Variants in ACOXL observed in about 807,000 individuals in gnomAD.
ACOXL encodes acyl-CoA oxidase like.
Under a neutral mutation model 71.9 loss-of-function variants are expected in ACOXL, and 70 were observed. The observed-to-expected ratio is 0.97, with a 90% CI of 0.80 to 1.19. ACOXL has a LOEUF of 1.19. Among genes scored for constraint, ACOXL ranks in the 50% most tolerant of loss-of-function variants. The pLI is 0.00. For missense variants in ACOXL, 703 were observed against 736.3 expected (o/e 0.95, Z 0.52); for synonymous variants, 253 against 281.6 (o/e 0.90, Z 1.02).
At chr2:111,064,877 G>T (rs975242653) in intron 16 of ACOXL, among the ~76,000 whole-genome samples, 1 of 152,144 alleles carries the variant, frequency 6.6e-6, no homozygotes, top group Admixed American at 6.6e-5. Context: ...AAAATGGAGA[G>T]ATATACCATA....
At chr2:110,825,826 C>A (rs1038914416) in intron 9 of ACOXL, among the ~76,000 whole-genome samples, 4 of 152,116 alleles carry the variant, frequency 2.6e-5, no homozygotes, top group Non-Finnish European at 4.4e-5. Context: ...TCTTGGAATC[C>A]TGAAAAATAT....
At chr2:111,007,120 G>A (rs1047323595) in intron 14 of ACOXL, among the ~76,000 whole-genome samples, 3 of 152,186 alleles carry the variant, frequency 2.0e-5, no homozygotes, top group African/African-American at 7.2e-5. Context: ...AGAGCTAGAA[G>A]AGACCCTGGG....
At chr2:110,993,221 A>C (rs186437733) in intron 13 of ACOXL, among the ~76,000 whole-genome samples, 1 of 152,374 alleles carries the variant, frequency 6.6e-6, no homozygotes, top group East Asian at 1.9e-4. Context: ...TGACACATGC[A>C]TAAACCTATG....
chr2:111,038,418 T>C (rs972991146), intron 15 of ACOXL, among the ~76,000 whole-genome samples: 1 of 152,244 alleles, frequency 6.6e-6, no homozygotes, highest in Non-Finnish European at 1.5e-5. Context: ...TAAATGTGTT[T>C]TCGCTCCTTT....
chr2:110,887,250 G>C (rs1266375075), intron 10 of ACOXL: 2 of 166,754 alleles, frequency 1.2e-5, no homozygotes, highest in Non-Finnish European at 2.6e-5. Flanking sequence ...CCAGACCACT[G>C]ATATCAAGGG....
chr2:110,853,457 A>C (rs1326431479), intron 10 of ACOXL, among the ~76,000 whole-genome samples: 1 of 152,236 alleles, frequency 6.6e-6, no homozygotes, highest in Non-Finnish European at 1.5e-5. Context: ...GGCTGAATCA[A>C]ATCTGTGATT....
intron 16 of ACOXL, among the ~76,000 whole-genome samples, chr2:111,090,246 T>G (rs1372495224): frequency 6.6e-6 from 1 of 152,044 alleles, no homozygotes; most frequent in African/African-American, 2.4e-5. Flanking sequence ...AGTTAATCCA[T>G]AAATTCATAT....
intron 10 of ACOXL, among the ~76,000 whole-genome samples, chr2:110,842,385 GA>G (rs1172133467): frequency 6.6e-6 from 1 of 152,182 alleles, no homozygotes; most frequent in African/African-American, 2.4e-5. Flanking sequence ...GGAGGGGAAA[GA>G]AATACATTTT....
At chr2:110,847,497 A>G (rs1477032871) in intron 10 of ACOXL, among the ~76,000 whole-genome samples, 1 of 152,186 alleles carries the variant, frequency 6.6e-6, no homozygotes, top group East Asian at 1.9e-4. Context: ...TTGTTTTTTC[A>G]TTAGTTATGT....
At chr2:111,023,175 T>A (rs965910066) in intron 14 of ACOXL, among the ~76,000 whole-genome samples, 1 of 152,114 alleles carries the variant, frequency 6.6e-6, no homozygotes, top group Admixed American at 6.5e-5. Flanking sequence ...CAGTTATTGA[T>A]CAGGACTGGA....
intron 2 of ACOXL, among the ~76,000 whole-genome samples, chr2:110,771,635 A>G (rs1373844450): frequency 6.6e-6 from 1 of 152,248 alleles, no homozygotes; most frequent in Non-Finnish European, 1.5e-5. Flanking sequence ...ATAATTTTAA[A>G]GCGAAAAAAC....
intron 17 of ACOXL, among the ~76,000 whole-genome samples, chr2:111,109,720 C>T (rs1050215467): frequency 3.3e-4 from 42 of 127,104 alleles, no homozygotes; most frequent in African/African-American, 1.3e-3. Context: ...GCTCTTTCAC[C>T]CAGGCTGGAG....
At chr2:111,014,701 G>A (rs1017082247) in intron 14 of ACOXL, among the ~76,000 whole-genome samples, 1 of 152,200 alleles carries the variant, frequency 6.6e-6, no homozygotes, top group African/African-American at 2.4e-5. Context: ...AATGTAGAGG[G>A]ATTGTACTAC....
intron 10 of ACOXL, among the ~76,000 whole-genome samples, chr2:110,867,784 A>G (rs925931737): frequency 6.6e-6 from 1 of 151,804 alleles, no homozygotes; most frequent in Non-Finnish European, 1.5e-5. Context: ...TTTTTTTGAG[A>G]TGGAGTTTTG....
intron 12 of ACOXL, among the ~76,000 whole-genome samples, chr2:110,962,752 A>G (rs1178148557): frequency 6.6e-6 from 1 of 152,254 alleles, no homozygotes; most frequent in Non-Finnish European, 1.5e-5. Context: ...AAAACTTGTC[A>G]TTCCTTATTC....
At chr2:110,881,658 T>C (rs4849162) in intron 10 of ACOXL, among the ~76,000 whole-genome samples, 48,985 of 152,036 alleles carry the variant, frequency 0.32, 8,145 homozygotes, top group Middle Eastern at 0.39. Context: ...CATCGCCAGG[T>C]AACCAATAAT....
chr2:110,947,252 C>G (rs2061144753), intron 12 of ACOXL, among the ~76,000 whole-genome samples: 1 of 152,176 alleles, frequency 6.6e-6, no homozygotes, highest in Non-Finnish European at 1.5e-5. Flanking sequence ...ATATTTAGTT[C>G]TGCTTTCACA....
chr2:111,073,342 C>T (rs1300017039), intron 16 of ACOXL, among the ~76,000 whole-genome samples: 2 of 152,114 alleles, frequency 1.3e-5, no homozygotes, highest in African/African-American at 4.8e-5. Flanking sequence ...AACCTCAAGT[C>T]ATGAAGGTTT....
At chr2:111,092,638 G>A (rs35752100) in intron 16 of ACOXL, among the ~76,000 whole-genome samples, 13,573 of 152,078 alleles carry the variant, frequency 0.089, 672 homozygotes, top group Non-Finnish European at 0.11. Context: ...AGTTCGTTAT[G>A]CTATTTGTTC....
Sources: gnomAD v4.1 joint callset for allele counts (sites outside exome capture counted in the v4.1 genomes callset) on GRCh38, gnomAD v4.1.1 for gene constraint, MANE v1.5 for transcripts, NCBI Gene and HGNC (gene_info 2026-07-23, HGNC 2026-07-21) for gene names.